The following TLE4 variants were observed in gnomAD, a reference collection of about 807,000 sequenced individuals.
The protein encoded by TLE4 is transducin-like enhancer protein 4.
A neutral mutation model predicts 92.8 loss-of-function variants in TLE4; 8 were observed. The ratio of observed to expected loss-of-function variants is 0.09; its 90% CI spans 0.05 to 0.16. The LOEUF is 0.16. Ranked by LOEUF, TLE4 falls within the 10% of genes least tolerant of loss-of-function variation. The probability of loss-of-function intolerance (pLI) is 1.00; values close to 1 mark genes in which losing one functional copy is unlikely to be tolerated. For missense variants in TLE4, 675 were observed against 997.6 expected (o/e 0.68, Z 4.36); for synonymous variants, 371 against 374.1 (o/e 0.99, Z 0.10).
At chr9:79,606,187 GTTTT>G (rs71364420) in intron 4 of TLE4, among the ~76,000 whole-genome samples, 14 of 28,708 alleles carry the variant, frequency 4.9e-4, no homozygotes, top group African/African-American at 1.6e-3. Context: ...AGTAGTAGTT[GTTTT>G]TTTTTTTTTT....
intron 6 of TLE4, among the ~76,000 whole-genome samples, chr9:79,641,403 A>G (rs947487368): frequency 1.3e-5 from 2 of 152,132 alleles, no homozygotes; most frequent in African/African-American, 4.8e-5. Context: ...CCAAACCCCA[A>G]AACCCACCGT....
intron 4 of TLE4, among the ~76,000 whole-genome samples, chr9:79,606,187 G>GTTTTT (rs71364420): frequency 0.011 from 302 of 28,704 alleles, 119 homozygotes; most frequent in East Asian, 0.017. Context: ...AGTAGTAGTT[G>GTTTTT]TTTTTTTTTT....
intron 8 of TLE4, among the ~76,000 whole-genome samples, chr9:79,656,378 C>T (rs1159709424): frequency 1.3e-5 from 2 of 152,158 alleles, no homozygotes; most frequent in African/African-American, 4.8e-5. Flanking sequence ...GATAATGCTC[C>T]TTAACATTTA....
chr9:79,576,966 A>G (rs2038013889), intron 4 of TLE4, among the ~76,000 whole-genome samples: 1 of 151,652 alleles, frequency 6.6e-6, no homozygotes, highest in African/African-American at 2.4e-5. Flanking sequence ...CACACACACA[A>G]ATATATATAC....
At position 79,725,042 on chromosome 9, in the gene TLE4, A is replaced by G. The variant is rs951626467; in HGVS notation, c.2220A>G (p.Lys740=). The change falls in exon 20 of 20, where the codon AAA becomes AAG. Residue 740 remains lysine, a synonymous_variant. Coordinates refer to ENST00000376552, the MANE Select transcript of TLE4 (RefSeq NM_007005.6). ...TPYGASIFQS[K]ESSSVLSCDI... ...ATTATATGTTTCTTTCCTAGTCCAA[A>G]GAATCCTCATCGGTGCTTAGCTGTG... is the stretch of plus-strand genomic sequence containing the variant. 1.9e-6 allele frequency: 3 copies of G among 1,612,966 alleles called. No homozygotes were observed. Among genetic ancestry groups the G allele is most frequent in the African/African-American group, 2.7e-5 (2 of 74,826 alleles).
At chr9:79,675,031 G>A (rs150242907) in intron 8 of TLE4, among the ~76,000 whole-genome samples, 15 of 152,082 alleles carry the variant, frequency 9.9e-5, no homozygotes, top group Admixed American at 9.8e-4. Flanking sequence ...AAAAAGGGTA[G>A]TTTTTGTTTG....
intron 6 of TLE4, among the ~76,000 whole-genome samples, chr9:79,651,959 TA>T (rs758350759): frequency 1.2e-4 from 19 of 152,152 alleles, no homozygotes; most frequent in African/African-American, 3.6e-4. Flanking sequence ...TTTTTTGAGA[TA>T]AAAAAAGCCT....
At position 79,652,728 on chromosome 9, in the gene TLE4, C is replaced by G; in HGVS notation, c.526C>G (p.Leu176Val). Residue 176 changes from leucine to valine, a missense_variant, in exon 7 of 20, where the codon CTA (leucine) becomes GTA (valine). Transcript: ENST00000376552. ...CGGGCTTCTGGCCCTCTCCAGTGCTCTAGGAGGTCAGTCCCATCTTCCAAT... is the reference window on the plus strand; with the variant it reads ...CGGGCTTCTGGCCCTCTCCAGTGCTGTAGGAGGTCAGTCCCATCTTCCAAT... Reference protein sequence around the residue: ...SAGLLALSSALGGQSHLPIKD... With the variant: ...SAGLLALSSAVGGQSHLPIKD... The G allele has an allele frequency of 1.2e-6, 2 of 1,614,162 alleles. No individual in the cohort carries two copies. Among genetic ancestry groups the G allele is most frequent in the Non-Finnish European group, 1.7e-6 (2 of 1,180,026 alleles).
chr9:79,694,350 C>T (rs549072164), intron 8 of TLE4, among the ~76,000 whole-genome samples: 40 of 152,230 alleles, frequency 2.6e-4, no homozygotes, highest in Admixed American at 5.9e-4. Context: ...TACCTTTCAA[C>T]ATTTTAGCAC....
At position 79,620,904 on chromosome 9, in the gene TLE4, G is replaced by A. The variant is rs1037228950; in HGVS notation, c.316-6470G>A. Among the ~76,000 whole-genome samples, 7 of 152,014 alleles carry A rather than the reference G, an allele frequency of 4.6e-5. No homozygotes were observed. The South Asian group carries it at 8.3e-4, about 18-fold the overall frequency. On this transcript the variant is annotated intron_variant, in intron 5 of 19. Coordinates refer to ENST00000376552, the MANE Select transcript of TLE4 (RefSeq NM_007005.6). ...AGAAAAGGAGAGAGAGATTGAGGGG[G>A]AGGTGTCATACACTTTTTAAGGGCC...
chr9:79,657,472 AG>A (rs1184386164), intron 8 of TLE4, among the ~76,000 whole-genome samples: 1 of 152,098 alleles, frequency 6.6e-6, no homozygotes, highest in Non-Finnish European at 1.5e-5. Flanking sequence ...TTGAGGGCTG[AG>A]GGGTAAAAGT....
chr9:79,573,630 C>T, intron 1 of TLE4, 59 bp from the exon 2 acceptor site: 2 of 1,405,424 alleles, frequency 1.4e-6, no homozygotes, highest in Non-Finnish European at 9.8e-7. Flanking sequence ...TAGGTTTTCT[C>T]CGTCTCCCTG....
At chr9:79,640,774 G>T (rs1389253935) in intron 6 of TLE4, among the ~76,000 whole-genome samples, 2 of 151,970 alleles carry the variant, frequency 1.3e-5, no homozygotes, top group African/African-American at 4.8e-5. Context: ...CCGGTCTCCT[G>T]CCCTTCATTC....
At chr9:79,651,141 T>C (rs2058909556) in intron 6 of TLE4, among the ~76,000 whole-genome samples, 1 of 152,034 alleles carries the variant, frequency 6.6e-6, no homozygotes, top group Non-Finnish European at 1.5e-5. Flanking sequence ...ACTATTTGGC[T>C]ATCACAGGTT....
intron 6 of TLE4, among the ~76,000 whole-genome samples, chr9:79,634,975 G>C (rs921750301): frequency 6.6e-6 from 1 of 152,130 alleles, no homozygotes; most frequent in Non-Finnish European, 1.5e-5. Context: ...TATCTTTTGG[G>C]TGATTACCTA....
intron 8 of TLE4, among the ~76,000 whole-genome samples, chr9:79,686,453 G>A (rs989087919): frequency 6.6e-6 from 1 of 152,128 alleles, no homozygotes; most frequent in Non-Finnish European, 1.5e-5. Context: ...ACTTTATTTA[G>A]AAATAGGGTC....
At chr9:79,712,478 A>T (rs1433444505) in intron 14 of TLE4, among the ~76,000 whole-genome samples, 1 of 152,218 alleles carries the variant, frequency 6.6e-6, no homozygotes, top group African/African-American at 2.4e-5. Context: ...GTGTGCTAGA[A>T]AATAAAATAA....
At chr9:79,713,142 C>T (rs971857245) in intron 14 of TLE4, among the ~76,000 whole-genome samples, 15 of 152,188 alleles carry the variant, frequency 9.9e-5, no homozygotes, top group African/African-American at 3.6e-4. Context: ...TCTTGTGACA[C>T]ATTGGAAATG....
chr9:79,673,103 G>A (rs778461664), intron 8 of TLE4, among the ~76,000 whole-genome samples: 2 of 152,144 alleles, frequency 1.3e-5, no homozygotes, highest in Non-Finnish European at 1.5e-5. Flanking sequence ...TATAAATTAT[G>A]TGCCTTTGGC....
Sources: gnomAD v4.1 joint callset for allele counts (sites outside exome capture counted in the v4.1 genomes callset) on GRCh38, gnomAD v4.1.1 for gene constraint, MANE v1.5 for transcripts, NCBI Gene and HGNC (gene_info 2026-07-23, HGNC 2026-07-21) for gene names.